SFMBT2: variants seen among roughly 807,000 people sequenced by gnomAD.
SFMBT2 encodes Scm like with four mbt domains 2, also known as scm-like with four MBT domains protein 2.
In SFMBT2, 38 loss-of-function variants were observed where a neutral mutation model predicts 110.1. That is an observed-to-expected ratio of 0.35 (90% CI 0.27 to 0.45). SFMBT2 has a LOEUF of 0.45. Among genes scored for constraint, SFMBT2 ranks in the 20% least tolerant of loss-of-function variants. SFMBT2 has a pLI of 1.00. For missense variants in SFMBT2, 1,011 were observed against 1,094.9 expected (o/e 0.92, Z 1.08); for synonymous variants, 425 against 425.4 (o/e 1.00, Z 0.01).
chr10:7,215,128 T>G (rs1177235287), intron 11 of SFMBT2, among the ~76,000 whole-genome samples: 1 of 152,124 alleles, frequency 6.6e-6, no homozygotes, highest in Non-Finnish European at 1.5e-5. Context: ...AGGCTGGGCG[T>G]GGTGGTTCAC....
intron 1 of SFMBT2, among the ~76,000 whole-genome samples, chr10:7,405,756 G>C (rs533019018): frequency 6.6e-6 from 1 of 151,958 alleles, no homozygotes. Context: ...GGCTGAGAAA[G>C]ATGACTCACT....
At chr10:7,320,018 GAGAC>G (rs1344805728) in intron 4 of SFMBT2, among the ~76,000 whole-genome samples, 3 of 151,536 alleles carry the variant, frequency 2.0e-5, no homozygotes, top group South Asian at 2.1e-4. Flanking sequence ...GAGAAGGAGA[GAGAC>G]AGAAAGAGAA....
chr10:7,249,141 C>T (rs1263354626), intron 7 of SFMBT2: 7 of 861,700 alleles, frequency 8.1e-6, no homozygotes, highest in African/African-American at 7.3e-5. Flanking sequence ...CTCACCGGCA[C>T]GAGTAAGGGT....
chr10:7,180,295 AT>A (rs35437776), intron 16 of SFMBT2, among the ~76,000 whole-genome samples: 25 of 143,766 alleles, frequency 1.7e-4, no homozygotes, highest in African/African-American at 6.2e-4. Flanking sequence ...TATAGTGGTA[AT>A]TTTTTTTTTT....
At chr10:7,374,746 T>C (rs1206910488) in intron 2 of SFMBT2, among the ~76,000 whole-genome samples, 1 of 152,162 alleles carries the variant, frequency 6.6e-6, no homozygotes, top group Non-Finnish European at 1.5e-5. Context: ...TTAAAAAAAC[T>C]CAAACCTTCA....
intron 4 of SFMBT2, among the ~76,000 whole-genome samples, chr10:7,315,406 G>C (rs1842983429): frequency 6.6e-6 from 1 of 152,226 alleles, no homozygotes; most frequent in Non-Finnish European, 1.5e-5. Flanking sequence ...GCCTTTGGGG[G>C]ATGATGGCTT....
intron 16 of SFMBT2, among the ~76,000 whole-genome samples, chr10:7,183,841 C>T (rs1330729462): frequency 6.6e-6 from 1 of 152,210 alleles, no homozygotes; most frequent in Admixed American, 6.5e-5. Flanking sequence ...AGCTCCCTTT[C>T]CCGTACTGAG....
At chr10:7,265,944 C>CA (rs1319571203) in intron 7 of SFMBT2, among the ~76,000 whole-genome samples, 6 of 151,966 alleles carry the variant, frequency 3.9e-5, no homozygotes, top group East Asian at 3.9e-4. Context: ...AGGCCAAATG[C>CA]AAAAAACTAT....
intron 4 of SFMBT2, among the ~76,000 whole-genome samples, chr10:7,366,111 G>A (rs1041523363): frequency 6.6e-6 from 1 of 152,154 alleles, no homozygotes; most frequent in African/African-American, 2.4e-5. Context: ...GGTGGAAGAG[G>A]GAGCTATGCT....
At chr10:7,215,891 G>C (rs1450140818) in intron 11 of SFMBT2, 1 of 182,102 alleles carries the variant, frequency 5.5e-6, no homozygotes, top group African/African-American at 2.4e-5. Context: ...CAGCCACCAG[G>C]AGCAGCTCAG....
chr10:7,377,077 G>A (rs1047020599), intron 2 of SFMBT2, among the ~76,000 whole-genome samples: 15 of 150,126 alleles, frequency 1.0e-4, no homozygotes, highest in African/African-American at 3.7e-4. Flanking sequence ...GCTGAGGCAG[G>A]AGGATCACTT....
rs867891753 is a variant in SFMBT2 at position 7,171,768 on chromosome 10, T to C, written c.2415+127A>G. On this transcript the variant is annotated intron_variant, in intron 19 of 20. Coordinates refer to ENST00000397167, the MANE Select transcript of SFMBT2 (RefSeq NM_001387889.1). This position sits in a 1 kb window ranked among gnomAD's most constrained non-coding sequence, Gnocchi z 4.9. ...CAGCCTTTGTTCCTGACTTGGGAAC[T>C]AGCTAGAGCAGCTGCTGCTGTTGGA... 1.4e-5 allele frequency: 15 copies of C among 1,079,078 alleles called. No individual in the cohort carries two copies. The Middle Eastern group carries it at 2.0e-3, about 142-fold the overall frequency. 66.8% of individuals were successfully genotyped at this position (1,079,078 alleles called of 1,614,324 possible).
chr10:7,177,129 C>T (rs1001127774), intron 16 of SFMBT2, among the ~76,000 whole-genome samples: 1 of 152,112 alleles, frequency 6.6e-6, no homozygotes, highest in Non-Finnish European at 1.5e-5. Flanking sequence ...AGCAGTAAAT[C>T]GAATCCTTTC....
intron 5 of SFMBT2, chr10:7,285,277 A>G (rs1013493200): frequency 2.0e-5 from 3 of 152,288 alleles, no homozygotes; most frequent in African/African-American, 7.2e-5. Flanking sequence ...TTATTTTCAA[A>G]TAAACCATCA....
At chr10:7,298,024 G>C (rs145272433) in intron 4 of SFMBT2, among the ~76,000 whole-genome samples, 1 of 152,234 alleles carries the variant, frequency 6.6e-6, no homozygotes, top group Non-Finnish European at 1.5e-5. Context: ...ACTGGGGCTC[G>C]CAGGTGAGGC....
In SFMBT2 at chr10:7,269,083, T is replaced by C. The variant is rs1841488962; in HGVS notation, c.870+7809A>G. On this transcript the variant is annotated intron_variant, in intron 7 of 20. Coordinates refer to ENST00000397167, the MANE Select transcript of SFMBT2 (RefSeq NM_001387889.1). Reference sequence around the variant, plus strand: ...AGTCATTATTTATTTTTCAATAAAATGAGGCTTTTAATGTCCTTTGAGTTT... The same window carrying C: ...AGTCATTATTTATTTTTCAATAAAACGAGGCTTTTAATGTCCTTTGAGTTT... 2.0e-5 allele frequency among the ~76,000 whole-genome samples: 3 copies of C among 152,226 alleles called. No individual in the cohort carries two copies. In the South Asian group the frequency reaches 6.2e-4, roughly 31 times the overall value.
chr10:7,364,566 C>T (rs1444472592), intron 4 of SFMBT2, among the ~76,000 whole-genome samples: 3 of 152,298 alleles, frequency 2.0e-5, no homozygotes, highest in African/African-American at 7.2e-5. Context: ...GATTCAAGAC[C>T]CCAGAACTTG....
intron 4 of SFMBT2, among the ~76,000 whole-genome samples, chr10:7,343,070 T>C (rs1440010219): frequency 6.6e-6 from 1 of 152,214 alleles, no homozygotes; most frequent in Non-Finnish European, 1.5e-5. Flanking sequence ...CCCGTGTCTA[T>C]GATTCCCATC....
intron 1 of SFMBT2, among the ~76,000 whole-genome samples, chr10:7,399,475 G>T (rs1230421146): frequency 6.6e-6 from 1 of 151,938 alleles, no homozygotes; most frequent in East Asian, 1.9e-4. Flanking sequence ...CAAGTGATCT[G>T]CCTGCCTCAG....
Sources: allele counts gnomAD v4.1 joint callset (sites outside exome capture counted in the v4.1 genomes callset), GRCh38; gene constraint gnomAD v4.1.1; non-coding constraint Gnocchi (gnomAD v3.1); transcripts MANE v1.5; gene names NCBI Gene and HGNC (gene_info 2026-07-23, HGNC 2026-07-21).